The following RIMS3 variants were observed in gnomAD, a reference collection of about 807,000 sequenced individuals.
RIMS3 encodes the protein regulating synaptic membrane exocytosis protein 3.
Under a neutral mutation model 29.2 loss-of-function variants are expected in RIMS3, and 15 were observed. The observed-to-expected ratio is 0.51, with a 90% CI of 0.34 to 0.79. RIMS3 has a LOEUF of 0.79. Ranked by LOEUF, RIMS3 falls within the 30% of genes least tolerant of loss-of-function variation. The probability of loss-of-function intolerance (pLI) is 0.01; values close to 1 mark genes in which losing one functional copy is unlikely to be tolerated. For synonymous variants in RIMS3, 161 were observed against 170.1 expected, an observed-to-expected ratio of 0.95 and a Z score of 0.41; for missense variants, 342 against 421.4, an observed-to-expected ratio of 0.81 and a Z score of 1.65.
intron 2 of RIMS3, among the ~76,000 whole-genome samples, chr1:40,645,886 G>C (rs537025921): frequency 1.3e-5 from 2 of 152,296 alleles, no homozygotes; most frequent in South Asian, 2.1e-4. Flanking sequence ...GATCAACCAG[G>C]GGGGCTGGAG....
At position 40,648,477 on chromosome 1, in the gene RIMS3, C is replaced by T. The variant is rs551198380; in HGVS notation, c.-206-635G>A. On this transcript the variant is annotated intron_variant, in intron 1 of 7. Transcript: ENST00000372684. ...CACTTACAAGCTGTATGATACAGGG[C>T]TTCCTTAACAAATCCCCTGAGCCTA... 4.3e-4 allele frequency among the ~76,000 whole-genome samples: 65 copies of T among 152,338 alleles called. 3 individuals carry two copies. In the South Asian group the frequency reaches 0.013, roughly 31 times the overall value.
chr1:40,623,972 G>A lies in RIMS3; in HGVS notation c.*2545C>T, dbSNP rs1280835661. On this transcript the variant is annotated 3_prime_UTR_variant, in exon 8 of 8. Coordinates refer to ENST00000372684, the MANE Select transcript of RIMS3 (RefSeq NM_014747.3). The stretch of plus-strand genomic sequence containing the variant: ...GAGGAAATTACCTTCTTTTAGAGAG[G>A]TGGAATAGTGGAGTGGCCCAACTGC... 1 of 153,726 alleles carries A rather than the reference G, an allele frequency of 6.5e-6. No individual in the cohort carries two copies. Among genetic ancestry groups the A allele is most frequent in the African/African-American group, 2.4e-5 (1 of 41,518 alleles). The allele number at this position is 153,726 out of a possible 1,614,324, so 9.5% of individuals were successfully genotyped here.
rs142436135 is a variant in RIMS3, at chr1:40,640,157, C to T, written c.217+1552G>A. 2.8e-4 allele frequency among the ~76,000 whole-genome samples: 42 copies of T among 152,262 alleles called. 1 individual carries two copies. The highest frequency in any genetic ancestry group is 8.9e-4 in the African/African-American group (37 of 41,554). Reference sequence around the variant, plus strand: ...GCTTGGTCCCCTGGAGCCAGACTCCCGGGGTCCAACACCTCCACGACCTTC... The same window carrying T: ...GCTTGGTCCCCTGGAGCCAGACTCCTGGGGTCCAACACCTCCACGACCTTC... On this transcript the variant is annotated intron_variant, in intron 3 of 7. Transcript: ENST00000372684.
chr1:40,646,365 C>G (rs1323105168), intron 2 of RIMS3, among the ~76,000 whole-genome samples: 1 of 152,162 alleles, frequency 6.6e-6, no homozygotes, highest in East Asian at 1.9e-4. Context: ...GAGACTGTGG[C>G]AGAGTGGTTA....
the RIMS3 span, chr1:40,691,748 G>A: frequency 2.2e-6 from 1 of 455,346 alleles, no homozygotes; most frequent in African/African-American, 2.0e-5. Context: ...CGCTTCGCGC[G>A]CGCTCCGTTC....
At chr1:40,686,219 T>G in the RIMS3 span, among the ~76,000 whole-genome samples, 5 of 152,112 alleles carry the variant, frequency 3.3e-5, no homozygotes, top group Non-Finnish European at 7.4e-5. Flanking sequence ...AGACAACAAA[T>G]GTCCACCCCA....
At chr1:40,690,473 G>A in the RIMS3 span, 6 of 151,910 alleles carry the variant, frequency 3.9e-5, no homozygotes, top group African/African-American at 1.2e-4. Flanking sequence ...TGCAATTTAC[G>A]AAGCACTCTC....
At chr1:40,637,252 T>C (rs1039602350) in intron 3 of RIMS3, among the ~76,000 whole-genome samples, 1 of 152,142 alleles carries the variant, frequency 6.6e-6, no homozygotes, top group African/African-American at 2.4e-5. Flanking sequence ...GACCCCAGCC[T>C]GGGAAAAGGA....
Position 40,620,920 on chromosome 1 carries a change from G to A in RIMS3, c.*5597C>T, listed in dbSNP as rs1365859743. 7 of 152,642 alleles carry A rather than the reference G, an allele frequency of 4.6e-5. No homozygotes were observed. Among genetic ancestry groups the A allele is most frequent in the Non-Finnish European group, 7.3e-5 (5 of 68,060 alleles). 9.5% of individuals were successfully genotyped at this position (152,642 alleles called of 1,614,324 possible). On this transcript the variant is annotated 3_prime_UTR_variant, in exon 8 of 8. Transcript: ENST00000372684. ...TGCTTCTTATCTAAACAGTGTGCTT[G>A]TCAGTCCCTATCAGCTATCTCTCTC...
At chr1:40,690,453 A>G in the RIMS3 span, 1 of 152,122 alleles carries the variant, frequency 6.6e-6, no homozygotes, top group East Asian at 1.9e-4. Context: ...TAACTTCTTT[A>G]TAACACTTTT....
At chr1:40,668,249 CAAAA>C (rs35624303), upstream of RIMS3, among the ~76,000 whole-genome samples, 1,085 of 106,370 alleles carry the variant, frequency 0.01, 14 homozygotes, top group South Asian at 0.013. Flanking sequence ...GACTCTGTCT[CAAAA>C]AAAAAAAAAA....
rs1173564127 is a variant in RIMS3, at chr1:40,654,423, C to A, written c.-206-6581G>T. On this transcript the variant is annotated intron_variant, in intron 1 of 7. Transcript: ENST00000372684. The surrounding 1 kb of genome is among the most constrained non-coding windows in gnomAD (Gnocchi z 5.3). ...AAAGACCCGCACGCAAGCCATACAC[C>A]TCCGGTTGGCCACTCCGACGCGCCA... Among the ~76,000 whole-genome samples the A allele has an allele frequency of 1.3e-5, 2 of 152,214 alleles. No homozygotes were observed. Among genetic ancestry groups the A allele is most frequent in the Non-Finnish European group, 2.9e-5 (2 of 68,038 alleles).
At chr1:40,670,261 A>C (rs1270484813), upstream of RIMS3, among the ~76,000 whole-genome samples, 1 of 152,032 alleles carries the variant, frequency 6.6e-6, no homozygotes, top group Non-Finnish European at 1.5e-5. Flanking sequence ...ACAGACATGA[A>C]CCAAATCACC....
At chr1:40,677,509 TAA>T in the RIMS3 span, among the ~76,000 whole-genome samples, 1 of 150,852 alleles carries the variant, frequency 6.6e-6, no homozygotes, top group Admixed American at 6.6e-5. Context: ...CCATCCTGGC[TAA>T]CACGGTGAAA....
chr1:40,676,062 G>A, the RIMS3 span, among the ~76,000 whole-genome samples: 1 of 152,124 alleles, frequency 6.6e-6, no homozygotes, highest in African/African-American at 2.4e-5. Flanking sequence ...ATCCAGTGAT[G>A]AGGAGTGGTG....
chr1:40,677,547 A>C, the RIMS3 span, among the ~76,000 whole-genome samples: 3 of 151,802 alleles, frequency 2.0e-5, no homozygotes, highest in East Asian at 5.9e-4. Flanking sequence ...AAATACAAAA[A>C]ATTAGCCAGG....
At chr1:40,659,915 T>G (rs1205171355) in intron 1 of RIMS3, among the ~76,000 whole-genome samples, 1 of 152,160 alleles carries the variant, frequency 6.6e-6, no homozygotes. Flanking sequence ...GCATCTGGCT[T>G]TCATTCCAAG....
the RIMS3 span, among the ~76,000 whole-genome samples, chr1:40,673,919 T>C: frequency 6.6e-6 from 1 of 151,082 alleles, no homozygotes; most frequent in African/African-American, 2.4e-5. Flanking sequence ...AAAGATTAAA[T>C]GAGAAAACAT....
At chr1:40,663,544 G>C (rs1226913350) in intron 1 of RIMS3, among the ~76,000 whole-genome samples, 1 of 152,166 alleles carries the variant, frequency 6.6e-6, no homozygotes. Flanking sequence ...CCTCCTTAAA[G>C]GGCCAGCTGC....
Sources: allele counts gnomAD v4.1 joint callset (sites outside exome capture counted in the v4.1 genomes callset), GRCh38; gene constraint gnomAD v4.1.1; non-coding constraint Gnocchi (gnomAD v3.1); transcripts MANE v1.5; gene names NCBI Gene and HGNC (gene_info 2026-07-23, HGNC 2026-07-21).